Variants in PHLPP2 observed in about 807,000 individuals in gnomAD.
The protein encoded by PHLPP2 is PH domain leucine-rich repeat-containing protein phosphatase 2.
Under a neutral mutation model 124.9 loss-of-function variants are expected in PHLPP2, and 66 were observed. That is an observed-to-expected ratio of 0.53 (90% CI 0.43 to 0.65). The LOEUF is 0.65. PHLPP2 is among the 30% of genes least tolerant of loss of function. The probability of loss-of-function intolerance (pLI) is 0.00; values close to 1 mark genes in which losing one functional copy is unlikely to be tolerated. For synonymous variants in PHLPP2, 681 were observed against 624.7 expected (o/e 1.09, Z -1.34); for missense variants, 1,685 against 1,600.4 (o/e 1.05, Z -0.90).
chr16:71,719,353 T>C (rs565621402), intron 1 of PHLPP2, among the ~76,000 whole-genome samples: 2 of 152,196 alleles, frequency 1.3e-5, no homozygotes, highest in African/African-American at 2.4e-5. Context: ...CTGGCCAACG[T>C]AGCAAAACCC....
At chr16:71,682,223 T>G (rs1416274968) in intron 5 of PHLPP2, among the ~76,000 whole-genome samples, 2 of 149,958 alleles carry the variant, frequency 1.3e-5, no homozygotes, top group Non-Finnish European at 3.0e-5. Context: ...TTTGGGTTTT[T>G]TTTTTTTTTT....
chr16:71,692,321 G>A (rs147983035), intron 3 of PHLPP2, among the ~76,000 whole-genome samples: 12 of 152,066 alleles, frequency 7.9e-5, no homozygotes, highest in African/African-American at 2.2e-4. Context: ...CGCCTGCCTC[G>A]GCCTCCCAAA....
chr16:71,675,534 C>T (rs1166006510), intron 9 of PHLPP2, among the ~76,000 whole-genome samples: 2 of 152,150 alleles, frequency 1.3e-5, no homozygotes, highest in African/African-American at 4.8e-5. Flanking sequence ...AAATAGTAAA[C>T]ATTTTAGGCT....
chr16:71,680,655 T>G (rs2044988484), intron 6 of PHLPP2, among the ~76,000 whole-genome samples: 1 of 152,244 alleles, frequency 6.6e-6, no homozygotes, highest in Admixed American at 6.5e-5. Context: ...ATGTTCTCCA[T>G]GATGATGATC....
chr16:71,690,195 T>G (rs1016086006), intron 4 of PHLPP2, among the ~76,000 whole-genome samples: 3 of 152,008 alleles, frequency 2.0e-5, no homozygotes, highest in African/African-American at 7.3e-5. Flanking sequence ...CCCGAAAGAA[T>G]CTATTTGGTG....
intron 2 of PHLPP2, 146 bp downstream of exon 2, chr16:71,714,366 G>C: frequency 1.9e-6 from 2 of 1,056,550 alleles, no homozygotes; most frequent in Non-Finnish European, 2.5e-6. Flanking sequence ...CATAAAGTCA[G>C]CCTTCCAAGG....
At chr16:71,709,752 G>A (rs1178617660) in intron 2 of PHLPP2, among the ~76,000 whole-genome samples, 2 of 152,318 alleles carry the variant, frequency 1.3e-5, no homozygotes, top group East Asian at 3.9e-4. Flanking sequence ...GAGGGAAATG[G>A]CCTCAGTGAT....
At chr16:71,681,043 A>G (rs938942994) in intron 6 of PHLPP2, among the ~76,000 whole-genome samples, 19 of 152,250 alleles carry the variant, frequency 1.2e-4, no homozygotes, top group African/African-American at 4.6e-4. Context: ...GGAAGTACGT[A>G]AAATATGTCA....
intron 13 of PHLPP2, among the ~76,000 whole-genome samples, chr16:71,662,081 CA>C (rs1026707067): frequency 6.9e-4 from 105 of 152,056 alleles, no homozygotes; most frequent in African/African-American, 2.4e-3. Flanking sequence ...CTCGGCCTGC[CA>C]AAGTGCTGGG....
At chr16:71,718,728 AAAC>A (rs1431202897) in intron 1 of PHLPP2, among the ~76,000 whole-genome samples, 6 of 152,162 alleles carry the variant, frequency 3.9e-5, no homozygotes, top group African/African-American at 9.7e-5. Context: ...ATAAAGATTA[AAAC>A]AACAACAACA....
At chr16:71,715,823 C>CAAA (rs71153656) in intron 1 of PHLPP2, among the ~76,000 whole-genome samples, 2 of 113,068 alleles carry the variant, frequency 1.8e-5, no homozygotes, top group Admixed American at 9.3e-5. Flanking sequence ...ACTAAAAATA[C>CAAA]AAAAAAAAAA....
At chr16:71,681,007 T>C (rs776556062) in intron 6 of PHLPP2, among the ~76,000 whole-genome samples, 1 of 152,232 alleles carries the variant, frequency 6.6e-6, no homozygotes, top group Non-Finnish European at 1.5e-5. Flanking sequence ...CAACATTTTC[T>C]GGACATTAGA....
intron 11 of PHLPP2, among the ~76,000 whole-genome samples, chr16:71,669,034 G>A (rs984351046): frequency 6.6e-6 from 1 of 152,114 alleles, no homozygotes; most frequent in Admixed American, 6.5e-5. Context: ...GCAACTCTTA[G>A]TGTATTTATT....
Position 71,714,548 on chromosome 16 carries a change from T to A in PHLPP2, c.248A>T (p.Glu83Val). 6.2e-7 allele frequency: 1 copy of A among 1,613,564 alleles called. No homozygotes were observed. The highest frequency in any genetic ancestry group is 8.5e-7 in the Non-Finnish European group (1 of 1,179,604). ...TCCATGAAGCTGTAAATAAAGACTTTCTCTTCCCTCTCCAGCACATATTTC... is the reference window on the plus strand; with the variant it reads ...TCCATGAAGCTGTAAATAAAGACTTACTCTTCCCTCTCCAGCACATATTTC... ...ASEICAGEGRESLYLQLHGDL... is the reference protein window; with the variant it reads ...ASEICAGEGRVSLYLQLHGDL... The change falls in exon 2 of 19, where the codon GAA (glutamate) becomes GTA (valine). Residue 83 changes from glutamate (E) to valine (V), a missense_variant. Coordinates refer to ENST00000568954, the MANE Select transcript of PHLPP2 (RefSeq NM_015020.3).
chr16:71,650,268 A>AAGGC (rs1384068224), intron 18 of PHLPP2, among the ~76,000 whole-genome samples: 1 of 152,232 alleles, frequency 6.6e-6, no homozygotes, highest in Admixed American at 6.5e-5. Flanking sequence ...AAGTGACTAA[A>AAGGC]AGGCACCACC....
chr16:71,670,820 A>G (rs1471666403), intron 10 of PHLPP2, among the ~76,000 whole-genome samples: 5 of 152,130 alleles, frequency 3.3e-5, no homozygotes, highest in Non-Finnish European at 7.3e-5. Flanking sequence ...AGGCACAGAC[A>G]GCTGGACTGG....
intron 2 of PHLPP2, among the ~76,000 whole-genome samples, chr16:71,712,547 A>G (rs1001888415): frequency 7.9e-5 from 12 of 152,200 alleles, no homozygotes; most frequent in Non-Finnish European, 1.0e-4. Flanking sequence ...CAGATATAAT[A>G]TAGGTCAAGG....
At chr16:71,669,452 C>G in intron 10 of PHLPP2, 82 bp from the exon 11 acceptor site, 1 of 1,010,726 alleles carries the variant, frequency 9.9e-7, no homozygotes, top group South Asian at 1.4e-5. Flanking sequence ...TATCCATTAA[C>G]CAGCCTGTGA....
intron 2 of PHLPP2, among the ~76,000 whole-genome samples, chr16:71,703,080 C>A (rs2045246968): frequency 6.6e-6 from 1 of 152,158 alleles, no homozygotes; most frequent in Non-Finnish European, 1.5e-5. Context: ...ATAATGACTT[C>A]CAGGTCCATC....
Sources: gnomAD v4.1 joint callset for allele counts (sites outside exome capture counted in the v4.1 genomes callset) on GRCh38, gnomAD v4.1.1 for gene constraint, MANE v1.5 for transcripts, NCBI Gene and HGNC (gene_info 2026-07-23, HGNC 2026-07-21) for gene names.